Variants in METAP1 observed in about 807,000 individuals in gnomAD.
METAP1 encodes methionyl aminopeptidase 1, also known as methionine aminopeptidase 1.
Under a neutral mutation model 53.8 loss-of-function variants are expected in METAP1, and 28 were observed. The ratio of observed to expected loss-of-function variants is 0.52; its 90% CI spans 0.39 to 0.71. METAP1 has a LOEUF of 0.71. Among genes scored for constraint, METAP1 ranks in the 30% least tolerant of loss-of-function variants. The probability of loss-of-function intolerance (pLI) is 0.00; values close to 1 mark genes in which losing one functional copy is unlikely to be tolerated. For missense variants in METAP1, 389 were observed against 479.8 expected (o/e 0.81, Z 1.77); for synonymous variants, 181 against 165.7 (o/e 1.09, Z -0.71).
intron 1 of METAP1, among the ~76,000 whole-genome samples, chr4:99,011,024 T>C (rs1056837535): frequency 2.8e-5 from 4 of 144,228 alleles, no homozygotes; most frequent in Middle Eastern, 3.5e-3. Flanking sequence ...CCTGCAACTT[T>C]AGTTTATTAG....
chr4:99,039,386 C>T lies in METAP1; in HGVS notation c.353C>T (p.Ser118Phe), dbSNP rs1725679166. Residue 118 changes from serine (S) to phenylalanine (F), a missense_variant, in exon 5 of 11, where the codon TCT (serine) becomes TTT (phenylalanine). By Grantham distance (155) the Ser-to-Phe change is radical. Transcript: ENST00000296411. ...ATTTTCATTCCAGGAATGTCTGAATCTGAACAGGCTCTTAAAGGTACTTCT... is the reference window on the plus strand; with the variant it reads ...ATTTTCATTCCAGGAATGTCTGAATTTGAACAGGCTCTTAAAGGTACTTCT... ...YADHPLGMSE[S>F]EQALKGTSQI... 4 of 1,606,022 alleles carry T rather than the reference C, an allele frequency of 2.5e-6. No individual in the cohort carries two copies. The East Asian group carries it at 6.7e-5, about 27-fold the overall frequency.
chr4:99,001,222 A>G (rs1471373411), intron 1 of METAP1, among the ~76,000 whole-genome samples: 1 of 152,192 alleles, frequency 6.6e-6, no homozygotes, highest in Non-Finnish European at 1.5e-5. Context: ...TAAATTCCTC[A>G]TGTCACTTCA....
At chr4:98,997,221 A>G (rs187366510) in intron 1 of METAP1, among the ~76,000 whole-genome samples, 157 of 152,374 alleles carry the variant, frequency 1.0e-3, no homozygotes, top group Middle Eastern at 0.01. Context: ...ATAAATAAAT[A>G]CAATCTTTAC....
At chr4:99,040,820 A>C (rs777284106) in intron 5 of METAP1, among the ~76,000 whole-genome samples, 1 of 151,660 alleles carries the variant, frequency 6.6e-6, no homozygotes, top group Non-Finnish European at 1.5e-5. Context: ...TTTCACATAG[A>C]AATCAGCCAA....
chr4:99,051,835 ACT>A (rs572966598), intron 9 of METAP1, among the ~76,000 whole-genome samples: 2 of 151,924 alleles, frequency 1.3e-5, no homozygotes, highest in African/African-American at 2.4e-5. Flanking sequence ...TTAGTTTGTA[ACT>A]CTATATTCCT....
chr4:99,016,090 A>G (rs932812694), intron 1 of METAP1, among the ~76,000 whole-genome samples: 11 of 152,178 alleles, frequency 7.2e-5, no homozygotes, highest in Admixed American at 1.3e-4. Context: ...CGTGGTCTCC[A>G]GGCTGATGCG....
intron 1 of METAP1, chr4:99,026,992 C>A: frequency 2.7e-6 from 1 of 366,418 alleles, no homozygotes; most frequent in Non-Finnish European, 3.8e-6. Context: ...ATAATTCTAT[C>A]AGCCCTCTTG....
chr4:99,002,113 A>G (rs1313816443), intron 1 of METAP1, among the ~76,000 whole-genome samples: 1 of 152,212 alleles, frequency 6.6e-6, no homozygotes, highest in African/African-American at 2.4e-5. Context: ...AATCTTTTTC[A>G]TGTTTAGCAT....
At chr4:98,996,278 A>G (rs1027629347) in intron 1 of METAP1, among the ~76,000 whole-genome samples, 6 of 152,334 alleles carry the variant, frequency 3.9e-5, no homozygotes, top group Admixed American at 2.6e-4. Context: ...CCACATCCGC[A>G]GCACCGGCGG....
At chr4:99,057,293 A>AAAT (rs1259841212) in intron 9 of METAP1, among the ~76,000 whole-genome samples, 1 of 152,240 alleles carries the variant, frequency 6.6e-6, no homozygotes, top group Non-Finnish European at 1.5e-5. Flanking sequence ...CTGTGTGCAA[A>AAAT]CACATGCTTA....
intron 1 of METAP1, among the ~76,000 whole-genome samples, chr4:98,996,209 G>A (rs996745875): frequency 2.0e-5 from 3 of 152,140 alleles, no homozygotes; most frequent in African/African-American, 4.8e-5. Flanking sequence ...CCAGGTGTGC[G>A]GGCTGCCGGA....
chr4:98,998,663 G>T (rs780543801), intron 1 of METAP1, among the ~76,000 whole-genome samples: 1 of 152,260 alleles, frequency 6.6e-6, no homozygotes, highest in African/African-American at 2.4e-5. Flanking sequence ...GCTTGTCTTT[G>T]GGAACAAACA....
chr4:99,059,686 T>A (rs1335747362), intron 10 of METAP1, among the ~76,000 whole-genome samples: 1 of 152,104 alleles, frequency 6.6e-6, no homozygotes, highest in Non-Finnish European at 1.5e-5. Flanking sequence ...CTGCTTCACA[T>A]TCTCTTGGGC....
At chr4:99,053,396 C>T (rs550312262) in intron 9 of METAP1, among the ~76,000 whole-genome samples, 8 of 152,208 alleles carry the variant, frequency 5.3e-5, no homozygotes, top group Admixed American at 2.6e-4. Flanking sequence ...ATTACAGGCA[C>T]GTACCACCCT....
intron 10 of METAP1, 128 bp downstream of exon 10, chr4:99,057,946 C>T: frequency 2.7e-6 from 2 of 743,298 alleles, no homozygotes. Flanking sequence ...CCACCTCAAA[C>T]TTGATTCAGT....
chr4:99,044,997 G>A (rs1243438099), intron 7 of METAP1, among the ~76,000 whole-genome samples, 182 bp from the exon 8 acceptor site: 2 of 152,182 alleles, frequency 1.3e-5, no homozygotes, highest in East Asian at 3.9e-4. Flanking sequence ...GCTCTCCACA[G>A]TGAGTTCAGT....
chr4:99,060,335 T>C (rs1325203971), intron 10 of METAP1, among the ~76,000 whole-genome samples: 2 of 149,324 alleles, frequency 1.3e-5, no homozygotes, highest in African/African-American at 2.5e-5. Context: ...CTCTACCTCA[T>C]AGAAGTGGAA....
At chr4:99,048,688 C>A in intron 8 of METAP1, 45 bp from the exon 9 acceptor site, 1 of 1,587,616 alleles carries the variant, frequency 6.3e-7, no homozygotes, top group Non-Finnish European at 8.6e-7. Context: ...TTGCTTAGTA[C>A]GTATTAGTTA....
At chr4:99,012,656 T>G (rs1199850252) in intron 1 of METAP1, among the ~76,000 whole-genome samples, 9 of 148,336 alleles carry the variant, frequency 6.1e-5, no homozygotes, top group Non-Finnish European at 1.0e-4. Context: ...CATAAAGTTT[T>G]TTTTTTTTTT....
Sources: allele counts gnomAD v4.1 joint callset (sites outside exome capture counted in the v4.1 genomes callset), GRCh38; gene constraint gnomAD v4.1.1; transcripts MANE v1.5; gene names NCBI Gene and HGNC (gene_info 2026-07-23, HGNC 2026-07-21).